LRP1: variants seen among roughly 807,000 people sequenced by gnomAD.
LRP1 encodes the protein LDL receptor related protein 1.
Under a neutral mutation model 541.5 loss-of-function variants are expected in LRP1, and 51 were observed. The ratio of observed to expected loss-of-function variants is 0.09; its 90% confidence interval spans 0.08 to 0.12. The LOEUF (loss-of-function observed/expected upper bound fraction) is 0.12. Ranked by LOEUF, LRP1 falls within the 10% of genes least tolerant of loss-of-function variation. The pLI is 1.00. For missense variants in LRP1, 3,878 were observed against 6,376.2 expected, an observed-to-expected ratio of 0.61 and a Z score of 13.34; for synonymous variants, 2,219 against 2,470.8, an observed-to-expected ratio of 0.90 and a Z score of 3.02.
rs1325972619 is a variant in LRP1, at chr12:57,154,515, G to T, written c.1041G>T (p.Lys347Asn). The T allele has an allele frequency of 6.2e-7, 1 of 1,614,106 alleles. No individual in the cohort carries two copies. The highest frequency in any genetic ancestry group is 1.7e-5 in the Admixed American group (1 of 60,008). ...TCACTGACTATGGGCAGATCCCAAA[G>T]GTGGAACGCTGTGACATGGATGGGC... ...VFFTDYGQIP[K>N]VERCDMDGQN... is the part of the protein sequence containing the mutation. Residue 347 changes from lysine to asparagine, a missense_variant, in exon 8 of 89, where the codon AAG (lysine) becomes AAT (asparagine). Lys to Asn is a moderately conservative substitution (Grantham distance 94, BLOSUM62 0). Around this residue, in one of 13 missense-constraint regions of LRP1, gnomAD observed 496 missense variants for 861.0 expected, o/e 0.58. Transcript: ENST00000243077. The surrounding 1 kb of genome is among the most constrained non-coding windows in gnomAD (Gnocchi z 4.6).
chr12:57,138,602 C>G (rs760771416), intron 2 of LRP1, 21 bp downstream of exon 2: 1 of 1,613,288 alleles, frequency 6.2e-7, no homozygotes, highest in Admixed American at 1.7e-5. Flanking sequence ...TTTCTGGATT[C>G]TTCTCCCCAA....
intron 58 of LRP1, 114 bp from the exon 59 acceptor site, chr12:57,198,042 G>A (rs1016610920): frequency 1.2e-6 from 1 of 832,272 alleles, no homozygotes; most frequent in African/African-American, 1.7e-5. Flanking sequence ...TCCCACCAGA[G>A]CTGTCAGAGG....
rs1265012101 is a variant in LRP1 at position 57,191,313 on chromosome 12, T to C, written c.7237-7T>C. 1.3e-6 allele frequency: 2 copies of C among 1,594,508 alleles called. No individual in the cohort carries two copies. Among genetic ancestry groups the C allele is most frequent in the South Asian group, 2.2e-5 (2 of 89,308 alleles). On this transcript the variant is annotated splice_region_variant and splice_polypyrimidine_tract_variant and intron_variant, in intron 43 of 88. Transcript: ENST00000243077. ...ATGCTGTGACGGTGATGGTGCTGTC[T>C]CCACAGGTGATCCTAAAGTCAGAGC...
intron 6 of LRP1, 78 bp downstream of exon 6, chr12:57,145,568 G>T (rs545500546): frequency 7.8e-6 from 12 of 1,541,792 alleles, no homozygotes; most frequent in African/African-American, 1.4e-5. Flanking sequence ...TTGAACAGAG[G>T]CCGGGAGTTA....
At chr12:57,207,924 C>A in intron 76 of LRP1, 114 bp from the exon 77 acceptor site, 2 of 1,192,310 alleles carry the variant, frequency 1.7e-6, no homozygotes, top group African/African-American at 1.5e-5. Flanking sequence ...TCTTTAAAGC[C>A]AGGGTCCTGG....
Position 57,169,251 on chromosome 12 carries a change from G to T in LRP1, c.3107G>T (p.Gly1036Val), listed in dbSNP as rs1322502635. 6.2e-7 allele frequency: 1 copy of T among 1,613,908 alleles called. No homozygotes were observed. The highest frequency in any genetic ancestry group is 1.1e-5 in the South Asian group (1 of 91,078). ...RCIPEHWTCDGDNDCGDYSDE... is the reference protein window; with the variant it reads ...RCIPEHWTCDVDNDCGDYSDE... The stretch of plus-strand genomic sequence containing the variant: ...ATCCCCGAGCACTGGACCTGCGATG[G>T]GGACAATGACTGCGGAGACTACAGT... The change falls in exon 20 of 89, where the codon GGG (glycine) becomes GTG (valine). Residue 1036 changes from glycine to valine, a missense_variant. Physicochemically the swap from Gly to Val is moderately radical, Grantham distance 109. Transcript: ENST00000243077.
chr12:57,196,051 A>G (rs2036525184), intron 54 of LRP1, 36 bp from the exon 55 acceptor site: 1 of 1,611,038 alleles, frequency 6.2e-7, no homozygotes, highest in Non-Finnish European at 8.5e-7. Flanking sequence ...AGACTGCCTG[A>G]GACCCCGCTG....
intron 6 of LRP1, among the ~76,000 whole-genome samples, chr12:57,150,550 G>C (rs1432799883): frequency 6.6e-6 from 1 of 152,158 alleles, no homozygotes; most frequent in Non-Finnish European, 1.5e-5. Context: ...GAGTCTTGAC[G>C]AGTAGTAGGT....
At chr12:57,186,314 C>T (rs547798879) in intron 41 of LRP1, among the ~76,000 whole-genome samples, 2 of 152,316 alleles carry the variant, frequency 1.3e-5, no homozygotes, top group South Asian at 2.1e-4. Context: ...CGAGCTGCTG[C>T]GCAGGAAGGC....
intron 46 of LRP1, 81 bp from the exon 47 acceptor site, chr12:57,193,485 T>C (rs2036459135): frequency 6.4e-7 from 1 of 1,558,026 alleles, no homozygotes. Context: ...GGTGGCCAGC[T>C]GGACACGTGC....
chr12:57,149,644 A>T, intron 6 of LRP1: 1 of 717,046 alleles, frequency 1.4e-6, no homozygotes, highest in Non-Finnish European at 2.5e-6. Flanking sequence ...CAGGCAGGGG[A>T]AGGTAGCAGG....
At chr12:57,144,497 C>T (rs982359869) in intron 4 of LRP1, 1 of 158,120 alleles carries the variant, frequency 6.3e-6, no homozygotes, top group Non-Finnish European at 1.4e-5. Flanking sequence ...ATGCCACCTT[C>T]TCAGTGAAGC....
intron 46 of LRP1, 109 bp from the exon 47 acceptor site, chr12:57,193,457 T>G (rs1370771799): frequency 2.8e-5 from 43 of 1,516,884 alleles, no homozygotes; most frequent in Non-Finnish European, 3.7e-5. Context: ...TAGCCTGGAC[T>G]GGGCCTTTGG....
Position 57,177,747 on chromosome 12 carries a change from C to T in LRP1, c.4361+156C>T, listed in dbSNP as rs1592634586. On this transcript the variant is annotated intron_variant, in intron 26 of 88. Coordinates refer to ENST00000243077, the MANE Select transcript of LRP1 (RefSeq NM_002332.3). This position sits in a 1 kb window ranked among gnomAD's most constrained non-coding sequence, Gnocchi z 6.8. ...GCACAGGAGGAGGAGGACGGAGGGGCGTGGGGAGGCCAGGGCCGAGGGGAG... is the reference window on the plus strand; with the variant it reads ...GCACAGGAGGAGGAGGACGGAGGGGTGTGGGGAGGCCAGGGCCGAGGGGAG... 6.6e-6 allele frequency among the ~76,000 whole-genome samples: 1 copy of T among 151,056 alleles called. No homozygotes were observed. Among genetic ancestry groups the T allele is most frequent in the African/African-American group, 2.4e-5 (1 of 41,044 alleles).
intron 67 of LRP1, 62 bp from the exon 68 acceptor site, chr12:57,202,358 TG>T: frequency 7.7e-7 from 1 of 1,306,438 alleles, no homozygotes; most frequent in East Asian, 2.3e-5. Flanking sequence ...TGACCATGCC[TG>T]CTTGGACCCT....
At chr12:57,196,574 A>C (rs549580969) in intron 55 of LRP1, among the ~76,000 whole-genome samples, 2 of 152,248 alleles carry the variant, frequency 1.3e-5, no homozygotes, top group South Asian at 4.1e-4. Context: ...GGGAGTTATC[A>C]CCATAGAGAT....
chr12:57,192,468 C>T (rs1336789907), intron 44 of LRP1, among the ~76,000 whole-genome samples: 2 of 152,148 alleles, frequency 1.3e-5, no homozygotes, highest in East Asian at 1.9e-4. Flanking sequence ...TCAGTGGGCA[C>T]GAGTACATGC....
rs764852120 is a variant in LRP1, at chr12:57,201,184, G to A, written c.10345+31G>A. 3 of 1,612,354 alleles carry A rather than the reference G, an allele frequency of 1.9e-6. No homozygotes were observed. The highest frequency in any genetic ancestry group is 3.3e-5 in the Admixed American group (2 of 59,998). ...TGTCAGAGGTGGTGGTGGGCCGGTGGTGGGAGATGACACGGAAGCAGGGCA... is the reference window on the plus strand; with the variant it reads ...TGTCAGAGGTGGTGGTGGGCCGGTGATGGGAGATGACACGGAAGCAGGGCA... On this transcript the variant is annotated intron_variant, in intron 65 of 88. Transcript: ENST00000243077. The surrounding 1 kb of genome is among the most constrained non-coding windows in gnomAD (Gnocchi z 6.4).
At position 57,202,543 on chromosome 12, in the gene LRP1, T is replaced by TTGGGGCCCCCCC; in HGVS notation, c.10711+6_10711+7insTGGGGCCCCCCC. 1 of 1,523,632 alleles carries TTGGGGCCCCCCC rather than the reference T, an allele frequency of 6.6e-7. No homozygotes were observed. The highest frequency in any genetic ancestry group is 8.9e-7 in the Non-Finnish European group (1 of 1,124,812). The allele number at this position is 1,523,632 out of a possible 1,614,324, so 94.4% of individuals were successfully genotyped here. The stretch of plus-strand genomic sequence containing the variant: ...CTCCGATGAAGAGAGCTGCAGTACG[T>TTGGGGCCCCCCC]CCCCACCCACCCAGCCCCGCATGAG... On this transcript the variant is annotated splice_region_variant and intron_variant, in intron 68 of 88. Transcript: ENST00000243077.
Sources: allele counts gnomAD v4.1 joint callset (sites outside exome capture counted in the v4.1 genomes callset), GRCh38; gene constraint gnomAD v4.1.1; regional missense constraint gnomAD v4.1.1; non-coding constraint Gnocchi (gnomAD v3.1); transcripts MANE v1.5; gene names NCBI Gene and HGNC (gene_info 2026-07-23, HGNC 2026-07-21).